NCOA2: variants seen among roughly 807,000 people sequenced by gnomAD.
NCOA2 encodes the protein nuclear receptor coactivator 2, also known as class E basic helix-loop-helix protein 75.
In NCOA2, 21 loss-of-function variants were observed where a neutral mutation model predicts 145.1. The observed-to-expected ratio is 0.14, with a 90% CI of 0.10 to 0.21. The LOEUF is 0.21. NCOA2 is among the 10% of genes least tolerant of loss of function. The pLI is 1.00. For synonymous variants in NCOA2, 619 were observed against 637.5 expected (o/e 0.97, Z 0.44); for missense variants, 1,472 against 1,837.6 (o/e 0.80, Z 3.64).
intron 11 of NCOA2, among the ~76,000 whole-genome samples, chr8:70,154,832 A>G (rs991728591): frequency 1.3e-5 from 2 of 152,194 alleles, no homozygotes; most frequent in African/African-American, 4.8e-5. Context: ...TACAAATTTC[A>G]GTTAGCCGGG....
At chr8:70,170,440 TAAG>T in intron 5 of NCOA2, 61 bp from the exon 6 acceptor site, 1 of 1,364,912 alleles carries the variant, frequency 7.3e-7, no homozygotes, top group Non-Finnish European at 9.8e-7. Context: ...ATGCAATTGT[TAAG>T]AAGGGAATGA....
chr8:70,356,997 C>CT (rs1809761526), intron 1 of NCOA2, among the ~76,000 whole-genome samples: 1 of 152,254 alleles, frequency 6.6e-6, no homozygotes, highest in East Asian at 1.9e-4. Flanking sequence ...TAACATAGTT[C>CT]TTTGAGGGTA....
chr8:70,389,961 C>T (rs955384430), intron 1 of NCOA2, among the ~76,000 whole-genome samples: 3 of 152,208 alleles, frequency 2.0e-5, no homozygotes, highest in African/African-American at 4.8e-5. Context: ...CCACCATATC[C>T]GGCCATTTCA....
chr8:70,339,652 A>C (rs546523410), intron 1 of NCOA2, among the ~76,000 whole-genome samples: 64 of 152,314 alleles, frequency 4.2e-4, no homozygotes, highest in Admixed American at 8.5e-4. Context: ...AAAAAGAACA[A>C]AGCTGGAGGC....
At chr8:70,211,596 TA>T (rs1819034926) in intron 4 of NCOA2, among the ~76,000 whole-genome samples, 1 of 152,226 alleles carries the variant, frequency 6.6e-6, no homozygotes, top group African/African-American at 2.4e-5. Flanking sequence ...TAGGTATTGT[TA>T]GCACTAAACT....
At chr8:70,443,975 G>GCA in the NCOA2 span, among the ~76,000 whole-genome samples, 4 of 151,778 alleles carry the variant, frequency 2.6e-5, no homozygotes, top group African/African-American at 4.8e-5. Context: ...ACGCGTGCTT[G>GCA]CACACACACA....
intron 7 of NCOA2, among the ~76,000 whole-genome samples, chr8:70,165,103 G>A (rs1358830672): frequency 6.6e-6 from 1 of 152,252 alleles, no homozygotes; most frequent in Middle Eastern, 3.4e-3. Context: ...TAATAAATTA[G>A]CTCAGCTATT....
At chr8:70,426,331 A>G in the NCOA2 span, among the ~76,000 whole-genome samples, 3 of 152,256 alleles carry the variant, frequency 2.0e-5, no homozygotes, top group Admixed American at 6.5e-5. Context: ...AAGAAACAAA[A>G]TAACTGCCTT....
chr8:70,447,247 T>A, the NCOA2 span, among the ~76,000 whole-genome samples: 1 of 152,192 alleles, frequency 6.6e-6, no homozygotes, highest in African/African-American at 2.4e-5. Context: ...CTCCTTAAGA[T>A]GCAGACCAGA....
intron 15 of NCOA2, among the ~76,000 whole-genome samples, chr8:70,136,242 A>T (rs553071772): frequency 3.4e-4 from 51 of 152,022 alleles, no homozygotes; most frequent in Non-Finnish European, 6.2e-4. Flanking sequence ...GGCACCTGTA[A>T]TCCCAGCTAC....
chr8:70,284,380 T>C (rs1046613444), intron 2 of NCOA2, among the ~76,000 whole-genome samples: 10 of 152,190 alleles, frequency 6.6e-5, no homozygotes, highest in African/African-American at 2.2e-4. Flanking sequence ...AAAGAAAACA[T>C]GTATTAAAAG....
At chr8:70,293,941 G>A (rs1329474196) in intron 2 of NCOA2, among the ~76,000 whole-genome samples, 1 of 152,000 alleles carries the variant, frequency 6.6e-6, no homozygotes, top group Non-Finnish European at 1.5e-5. Flanking sequence ...TACACTCATA[G>A]ATACAACTCT....
At chr8:70,370,444 T>A (rs886351588) in intron 1 of NCOA2, among the ~76,000 whole-genome samples, 1 of 152,196 alleles carries the variant, frequency 6.6e-6, no homozygotes, top group Non-Finnish European at 1.5e-5. Flanking sequence ...CTTTCCATCA[T>A]GGGTTTGTGG....
intron 9 of NCOA2, among the ~76,000 whole-genome samples, chr8:70,162,262 G>C (rs1257285564): frequency 6.6e-6 from 1 of 152,106 alleles, no homozygotes; most frequent in African/African-American, 2.4e-5. Context: ...TCAACTTTTG[G>C]GCCCTCTAGA....
At chr8:70,224,707 T>C (rs571744164) in intron 2 of NCOA2, among the ~76,000 whole-genome samples, 1 of 152,038 alleles carries the variant, frequency 6.6e-6, no homozygotes, top group Non-Finnish European at 1.5e-5. Context: ...CTTTGAGTCT[T>C]AGTTTTCACA....
chr8:70,214,204 T>C, intron 3 of NCOA2, 129 bp from the exon 4 acceptor site: 1 of 898,058 alleles, frequency 1.1e-6, no homozygotes, highest in Non-Finnish European at 1.7e-6. Flanking sequence ...GAAATACTTT[T>C]GGGGGAAAAA....
rs780770496 is a variant in NCOA2 at position 70,124,681 on chromosome 8, C to A, written c.4094+7G>T. ...GCGGTATGAAAAGGAGAAGGATTTG[C>A]GGTTACCTGTTTCCGCCCATGTTCC... On this transcript the variant is annotated splice_region_variant and intron_variant, in intron 20 of 22. Transcript: ENST00000452400. 10 of 1,595,950 alleles carry A rather than the reference C, an allele frequency of 6.3e-6. No individual in the cohort carries two copies. The highest frequency in any genetic ancestry group is 1.8e-5 in the Admixed American group (1 of 56,832).
At chr8:70,427,745 G>A in the NCOA2 span, among the ~76,000 whole-genome samples, 1 of 152,194 alleles carries the variant, frequency 6.6e-6, no homozygotes, top group Admixed American at 6.5e-5. Flanking sequence ...GCCGTAGGAG[G>A]AAGATGCCAG....
At chr8:70,145,578 C>A (rs1204395862) in intron 12 of NCOA2, among the ~76,000 whole-genome samples, 1 of 151,848 alleles carries the variant, frequency 6.6e-6, no homozygotes, top group Non-Finnish European at 1.5e-5. Context: ...GCCTCGGCCT[C>A]CCAAAGTGCT....
Sources: gnomAD v4.1 joint callset for allele counts (sites outside exome capture counted in the v4.1 genomes callset) on GRCh38, gnomAD v4.1.1 for gene constraint, MANE v1.5 for transcripts, NCBI Gene and HGNC (gene_info 2026-07-23, HGNC 2026-07-21) for gene names.